RTTN: variants seen among roughly 807,000 people sequenced by gnomAD.
RTTN encodes rotatin.
A neutral mutation model predicts 269.2 loss-of-function variants in RTTN; 182 were observed. That is an observed-to-expected ratio of 0.68 (90% CI 0.60 to 0.76). The LOEUF (loss-of-function observed/expected upper bound fraction) is 0.76, where lower values mean the gene tolerates loss of function less well. RTTN is among the 30% of genes least tolerant of loss of function. The pLI is 0.00. For missense variants in RTTN, 2,545 were observed against 2,608.6 expected (o/e 0.98, Z 0.53); for synonymous variants, 1,006 against 963.5 (o/e 1.04, Z -0.82).
At chr18:70,062,260 C>A (rs937926531) in intron 35 of RTTN, among the ~76,000 whole-genome samples, 2 of 152,074 alleles carry the variant, frequency 1.3e-5, no homozygotes, top group Non-Finnish European at 1.5e-5. Flanking sequence ...TTTTTTTCAG[C>A]AAGTAAAACA....
At chr18:70,147,936 C>A (rs1293830067) in intron 17 of RTTN, among the ~76,000 whole-genome samples, 1 of 152,074 alleles carries the variant, frequency 6.6e-6, no homozygotes, top group Non-Finnish European at 1.5e-5. Flanking sequence ...GAAGACAACC[C>A]CTGAGAACAC....
intron 39 of RTTN, 104 bp downstream of exon 39, chr18:70,051,307 G>T: frequency 1.5e-6 from 2 of 1,307,340 alleles, no homozygotes; most frequent in Non-Finnish European, 1.0e-6. Context: ...TATATGCCAT[G>T]CTATAATTAC....
chr18:70,068,936 G>A (rs898861758), intron 34 of RTTN, among the ~76,000 whole-genome samples: 3 of 151,356 alleles, frequency 2.0e-5, no homozygotes, highest in Non-Finnish European at 4.4e-5. Context: ...AAGCTTTTTA[G>A]AGCAGGCTGA....
intron 26 of RTTN, among the ~76,000 whole-genome samples, chr18:70,117,369 C>T (rs2059627393): frequency 6.6e-6 from 1 of 152,026 alleles, no homozygotes; most frequent in South Asian, 2.1e-4. Flanking sequence ...TTCCCTTTAT[C>T]CTAAACATTG....
At chr18:70,091,016 A>C (rs374734149) in intron 30 of RTTN, among the ~76,000 whole-genome samples, 5 of 152,282 alleles carry the variant, frequency 3.3e-5, no homozygotes, top group African/African-American at 1.2e-4. Context: ...TGTCTATTCT[A>C]CCATCATCTT....
chr18:70,116,619 C>T (rs1599631065), intron 26 of RTTN, among the ~76,000 whole-genome samples: 1 of 152,042 alleles, frequency 6.6e-6, no homozygotes, highest in Non-Finnish European at 1.5e-5. Flanking sequence ...AGGATTCAAT[C>T]CTAATTTTAA....
At chr18:70,154,354 A>T (rs2060619174) in intron 14 of RTTN, among the ~76,000 whole-genome samples, 1 of 152,088 alleles carries the variant, frequency 6.6e-6, no homozygotes, top group South Asian at 2.1e-4. Context: ...TCAATAACTC[A>T]ATTTACACCA....
intron 9 of RTTN, among the ~76,000 whole-genome samples, chr18:70,189,382 C>T (rs1236976043): frequency 6.6e-6 from 1 of 152,140 alleles, no homozygotes; most frequent in Non-Finnish European, 1.5e-5. Flanking sequence ...AAAAAATAGA[C>T]ATGGGACTTA....
intron 14 of RTTN, among the ~76,000 whole-genome samples, chr18:70,151,966 G>A (rs1196857227): frequency 6.6e-6 from 1 of 152,084 alleles, no homozygotes; most frequent in Non-Finnish European, 1.5e-5. Flanking sequence ...CCTCTTCAAT[G>A]CACATCAGCA....
At chr18:70,128,281 A>G in intron 24 of RTTN, 77 bp downstream of exon 24, 1 of 1,247,008 alleles carries the variant, frequency 8.0e-7, no homozygotes, top group Non-Finnish European at 1.1e-6. Flanking sequence ...TACTGGACCT[A>G]AGGAAAAAGT....
At chr18:70,073,756 T>C (rs2058356945) in intron 34 of RTTN, 150 bp downstream of exon 34, 3 of 560,014 alleles carry the variant, frequency 5.4e-6, no homozygotes, top group East Asian at 6.3e-5. Context: ...GCAGCTTGAA[T>C]ACAATAATTT....
chr18:70,090,439 C>G (rs1036378589), intron 30 of RTTN, among the ~76,000 whole-genome samples: 1 of 152,066 alleles, frequency 6.6e-6, no homozygotes, highest in Non-Finnish European at 1.5e-5. Flanking sequence ...CTCAAAATAT[C>G]TTATTGTATT....
At chr18:70,016,034 C>CACGCAGCAACAGAGA (rs1236122004) in intron 46 of RTTN, among the ~76,000 whole-genome samples, 1 of 152,126 alleles carries the variant, frequency 6.6e-6, no homozygotes, top group Admixed American at 6.5e-5. Context: ...TGATGTACAT[C>CACGCAGCAACAGAGA]ACGCAGCAAC....
At chr18:70,175,037 A>G in intron 11 of RTTN, among the ~76,000 whole-genome samples, 1 of 85,582 alleles carries the variant, frequency 1.2e-5, no homozygotes, top group East Asian at 3.7e-4. Flanking sequence ...CAAAAACAAA[A>G]CCAAAACCAA....
At chr18:70,027,668 A>C (rs1019759288) in intron 43 of RTTN, among the ~76,000 whole-genome samples, 1 of 152,220 alleles carries the variant, frequency 6.6e-6, no homozygotes, top group African/African-American at 2.4e-5. Context: ...CTGTACATCC[A>C]GTCACAAGCA....
At chr18:70,078,488 G>A (rs1407105050) in intron 32 of RTTN, among the ~76,000 whole-genome samples, 1 of 151,694 alleles carries the variant, frequency 6.6e-6, no homozygotes. Flanking sequence ...ACATGATATG[G>A]ACCCACAATG....
intron 32 of RTTN, among the ~76,000 whole-genome samples, chr18:70,084,858 G>A (rs2058662032): frequency 6.6e-6 from 1 of 152,138 alleles, no homozygotes; most frequent in Non-Finnish European, 1.5e-5. Context: ...GGATTTCCAT[G>A]ATGAAGACTG....
chr18:70,118,665 C>T (rs924791210), intron 26 of RTTN, among the ~76,000 whole-genome samples: 1 of 152,066 alleles, frequency 6.6e-6, no homozygotes, highest in African/African-American at 2.4e-5. Flanking sequence ...CCCTGATAAA[C>T]ACAGATATAA....
intron 13 of RTTN, 23 bp from the exon 14 acceptor site, chr18:70,166,211 A>C (rs1330554029): frequency 1.2e-6 from 2 of 1,611,498 alleles, no homozygotes; most frequent in Non-Finnish European, 1.7e-6. Flanking sequence ...TAAAACAACC[A>C]AGACATGTGA....
Sources: allele counts gnomAD v4.1 joint callset (sites outside exome capture counted in the v4.1 genomes callset), GRCh38; gene constraint gnomAD v4.1.1; transcripts MANE v1.5; gene names NCBI Gene and HGNC (gene_info 2026-07-23, HGNC 2026-07-21).